The following BCL7C variants were observed in gnomAD, a reference collection of about 807,000 sequenced individuals.
The protein encoded by BCL7C is BAF chromatin remodeling complex subunit BCL7C.
In BCL7C, 8 loss-of-function variants were observed where a neutral mutation model predicts 26.2. The observed-to-expected ratio is 0.30, with a 90% CI of 0.18 to 0.55. BCL7C has a LOEUF of 0.55. Ranked by LOEUF, BCL7C falls within the 20% of genes least tolerant of loss-of-function variation. The probability of loss-of-function intolerance (pLI) is 0.93; values close to 1 mark genes in which losing one functional copy is unlikely to be tolerated. For missense variants in BCL7C, 262 were observed against 298.5 expected (o/e 0.88, Z 0.90); for synonymous variants, 90 against 116.5 (o/e 0.77, Z 1.47).
chr16:30,849,293 T>C (rs1265636319), intron 5 of BCL7C, among the ~76,000 whole-genome samples: 1 of 152,208 alleles, frequency 6.6e-6, no homozygotes, highest in Non-Finnish European at 1.5e-5. Context: ...TTCATGTATT[T>C]TGGGGCTCTG....
chr16:30,837,556 C>T (rs181576566), intron 5 of BCL7C, among the ~76,000 whole-genome samples: 2 of 152,102 alleles, frequency 1.3e-5, no homozygotes, highest in African/African-American at 2.4e-5. Flanking sequence ...CCATGTTGGC[C>T]AGGCTGGTCT....
At chr16:30,887,684 C>T (rs1414543451), downstream of BCL7C, 1 of 1,030,110 alleles carries the variant, frequency 9.7e-7, no homozygotes, top group African/African-American at 1.7e-5. Flanking sequence ...GGTGTCACTA[C>T]AGGAAGGTCC....
At chr16:30,843,782 GTAAT>G (rs937665483) in intron 5 of BCL7C, among the ~76,000 whole-genome samples, 6 of 151,972 alleles carry the variant, frequency 3.9e-5, no homozygotes, top group Non-Finnish European at 8.8e-5. Context: ...GGTCATGCCT[GTAAT>G]TCCAGGATTT....
chr16:30,854,489 A>T (rs1290635634), intron 5 of BCL7C, among the ~76,000 whole-genome samples: 1 of 152,126 alleles, frequency 6.6e-6, no homozygotes, highest in Non-Finnish European at 1.5e-5. Flanking sequence ...CCCAAGGAAG[A>T]CTGTTATCCT....
intron 5 of BCL7C, among the ~76,000 whole-genome samples, chr16:30,837,785 G>A (rs1014639516): frequency 2.0e-5 from 3 of 152,224 alleles, no homozygotes; most frequent in African/African-American, 7.2e-5. Flanking sequence ...GCAGAGTGCA[G>A]AGAGGAGCTT....
chr16:30,861,799 G>A (rs2054775197), intron 5 of BCL7C, among the ~76,000 whole-genome samples: 1 of 150,390 alleles, frequency 6.6e-6, no homozygotes, highest in South Asian at 2.1e-4. Context: ...GGGTATTCAC[G>A]ACCAGGCTTC....
At chr16:30,839,152 G>C (rs1390802039) in intron 5 of BCL7C, among the ~76,000 whole-genome samples, 2 of 152,182 alleles carry the variant, frequency 1.3e-5, no homozygotes, top group African/African-American at 4.8e-5. Flanking sequence ...ACAGTACATT[G>C]TTTTAAGGAA....
intron 5 of BCL7C, among the ~76,000 whole-genome samples, chr16:30,845,280 G>A (rs1012060044): frequency 2.6e-5 from 4 of 152,178 alleles, no homozygotes; most frequent in Non-Finnish European, 5.9e-5. Context: ...CTCACCAAGC[G>A]CACTTTATCT....
At position 30,888,892 on chromosome 16, in the gene BCL7C, C is replaced by T. The variant is rs753894773; in HGVS notation, c.496G>A (p.Glu166Lys). 4.3e-6 allele frequency: 7 copies of T among 1,614,090 alleles called. No individual in the cohort carries two copies. The highest frequency in any genetic ancestry group is 5.9e-6 in the Non-Finnish European group (7 of 1,179,982). The change falls in exon 5 of 6, where the codon GAG becomes AAG. Residue 166 changes from glutamate to lysine, a missense_variant. By Grantham distance (56) the Glu-to-Lys change is moderately conservative. Coordinates refer to ENST00000215115, the MANE Select transcript of BCL7C (RefSeq NM_004765.4). ...TCCAGCAGTTCTGGAACAGGCTCCT[C>T]CTTGGTCAGCATTGGGGGTTCGTCG... ...STDEPPMLTK[E>K]EPVPELLEAE... is the part of the protein sequence containing the mutation.
intron 5 of BCL7C, among the ~76,000 whole-genome samples, chr16:30,850,304 CAT>C (rs1208202903): frequency 3.3e-5 from 5 of 151,940 alleles, no homozygotes; most frequent in African/African-American, 1.2e-4. Flanking sequence ...CCAGCAAACA[CAT>C]CTCTTATAGT....
At chr16:30,881,741 A>G (rs1232388882) in intron 5 of BCL7C, among the ~76,000 whole-genome samples, 1 of 152,072 alleles carries the variant, frequency 6.6e-6, no homozygotes, top group African/African-American at 2.4e-5. Flanking sequence ...TCTGCCTGGA[A>G]TGCCCTTCCC....
At chr16:30,879,763 G>A (rs2055014515) in intron 5 of BCL7C, among the ~76,000 whole-genome samples, 1 of 149,598 alleles carries the variant, frequency 6.7e-6, no homozygotes, top group Non-Finnish European at 1.5e-5. Context: ...GCTGAGGCGG[G>A]CGGATCACGA....
intron 5 of BCL7C, among the ~76,000 whole-genome samples, chr16:30,844,298 C>T (rs920862321): frequency 3.8e-5 from 5 of 133,168 alleles, no homozygotes; most frequent in African/African-American, 1.1e-4. Flanking sequence ...TGCAGTGAGC[C>T]CAGATGGCAC....
chr16:30,847,681 A>T (rs1248818880), intron 5 of BCL7C, among the ~76,000 whole-genome samples: 1 of 152,162 alleles, frequency 6.6e-6, no homozygotes, highest in African/African-American at 2.4e-5. Flanking sequence ...CTGTAATCCC[A>T]GCTACTCAGG....
exon 6 of BCL7C, chr16:30,835,045 C>G (rs1324013462): frequency 6.5e-6 from 10 of 1,548,908 alleles, no homozygotes; most frequent in South Asian, 1.2e-5. Flanking sequence ...GGAACTGGGC[C>G]GGACATTTGT....
chr16:30,845,121 CTG>C (rs953513103), intron 5 of BCL7C, among the ~76,000 whole-genome samples: 7 of 152,298 alleles, frequency 4.6e-5, no homozygotes, highest in African/African-American at 1.7e-4. Flanking sequence ...GCCGCCTTTG[CTG>C]TGAGTGGCTC....
At position 30,893,829 on chromosome 16, in the gene BCL7C, C is replaced by A; in HGVS notation, c.92+24G>T. 1 of 1,595,666 alleles carries A rather than the reference C, an allele frequency of 6.3e-7. No homozygotes were observed. Among genetic ancestry groups the A allele is most frequent in the South Asian group, 1.1e-5 (1 of 90,812 alleles). Reference sequence around the variant, plus strand: ...TGCTGGTGGTCCCGCTGTGTCCCGTCCCTGGCCCCCGAGCAGCGCTCACCA... The same window carrying A: ...TGCTGGTGGTCCCGCTGTGTCCCGTACCTGGCCCCCGAGCAGCGCTCACCA... On this transcript the variant is annotated intron_variant, in intron 1 of 5. Coordinates refer to ENST00000215115, the MANE Select transcript of BCL7C (RefSeq NM_004765.4). The surrounding 1 kb of genome is among the most constrained non-coding windows in gnomAD (Gnocchi z 5.2).
intron 5 of BCL7C, among the ~76,000 whole-genome samples, chr16:30,859,624 TC>T (rs1249304258): frequency 3.3e-5 from 5 of 149,454 alleles, no homozygotes; most frequent in Non-Finnish European, 6.0e-5. Context: ...CGATATATTC[TC>T]CCCCCTCCCC....
Position 30,856,192 on chromosome 16 carries a change from A to G in BCL7C, c.529-21044T>C, listed in dbSNP as rs184614688. ...TGCAGTGGCTCATGCCTGTAATCCCAGCACTTTGGGAGGCTGAGGCGGGCG... is the reference window on the plus strand; with the variant it reads ...TGCAGTGGCTCATGCCTGTAATCCCGGCACTTTGGGAGGCTGAGGCGGGCG... On this transcript the variant is annotated intron_variant, in intron 5 of 5. Coordinates refer to the BCL7C transcript ENST00000380317. 5.4e-3 allele frequency among the ~76,000 whole-genome samples: 814 copies of G among 152,082 alleles called. 11 individuals carry two copies. The highest frequency in any genetic ancestry group is 0.018 in the African/African-American group (745 of 41,486).
Sources: allele counts gnomAD v4.1 joint callset (sites outside exome capture counted in the v4.1 genomes callset), GRCh38; gene constraint gnomAD v4.1.1; non-coding constraint Gnocchi (gnomAD v3.1); transcripts MANE v1.5; gene names NCBI Gene and HGNC (gene_info 2026-07-23, HGNC 2026-07-21).